The following TENM3 variants were observed in gnomAD, a reference collection of about 807,000 sequenced individuals.
The protein encoded by TENM3 is teneurin-3.
A neutral mutation model predicts 255.1 loss-of-function variants in TENM3; 63 were observed. That is an observed-to-expected ratio of 0.25 (90% CI 0.20 to 0.30). The LOEUF (loss-of-function observed/expected upper bound fraction) is 0.30. TENM3 is among the 10% of genes least tolerant of loss of function. The pLI is 1.00. For missense variants in TENM3, 2,929 were observed against 3,461.1 expected, an observed-to-expected ratio of 0.85 and a Z score of 3.86; for synonymous variants, 1,306 against 1,322.3, an observed-to-expected ratio of 0.99 and a Z score of 0.27.
chr4:181,985,760 G>A, the TENM3 span, among the ~76,000 whole-genome samples: 2 of 152,100 alleles, frequency 1.3e-5, no homozygotes, highest in African/African-American at 4.8e-5. Flanking sequence ...CCTGTATAAT[G>A]TGAATAGCAC....
At chr4:182,587,707 G>A (rs1746183853) in intron 3 of TENM3, among the ~76,000 whole-genome samples, 1 of 152,004 alleles carries the variant, frequency 6.6e-6, no homozygotes, top group African/African-American at 2.4e-5. Flanking sequence ...CACTACACCT[G>A]GCCTGGTTTT....
chr4:182,517,429 G>A lies in TENM3; in HGVS notation c.512-83495G>A, dbSNP rs1412172384. Among the ~76,000 whole-genome samples, 2 of 141,570 alleles carry A rather than the reference G, an allele frequency of 1.4e-5. 1 individual carries two copies. The highest frequency in any genetic ancestry group is 5.4e-5 in the African/African-American group (2 of 37,326). The allele number at this position is 141,570 out of a possible 152,430, so 92.9% of individuals were successfully genotyped here. A position where few individuals can be genotyped will look rare whatever the true frequency, so the allele number is the denominator to read the frequency against. On this transcript the variant is annotated intron_variant, in intron 3 of 27. Coordinates refer to ENST00000511685, the MANE Select transcript of TENM3 (RefSeq NM_001080477.4). ...GACGGAGTCTCGCTCTGTCGCCCAGGCTGGAGTGCAGTGGTGCGATCTCGG... is the reference window on the plus strand; with the variant it reads ...GACGGAGTCTCGCTCTGTCGCCCAGACTGGAGTGCAGTGGTGCGATCTCGG...
the TENM3 span, among the ~76,000 whole-genome samples, chr4:181,728,977 A>G: frequency 6.6e-6 from 1 of 152,194 alleles, no homozygotes; most frequent in Non-Finnish European, 1.5e-5. Flanking sequence ...ATGAGAAGTT[A>G]TTCATTCAGT....
the TENM3 span, among the ~76,000 whole-genome samples, chr4:181,763,299 A>C: frequency 6.6e-6 from 1 of 152,122 alleles, no homozygotes; most frequent in African/African-American, 2.4e-5. Context: ...TTATCTTCTT[A>C]GTCATCATCA....
chr4:181,983,721 T>A, the TENM3 span, among the ~76,000 whole-genome samples: 1 of 152,136 alleles, frequency 6.6e-6, no homozygotes, highest in Non-Finnish European at 1.5e-5. Flanking sequence ...TTAGAATATA[T>A]GCACTGGGAC....
chr4:181,930,997 C>T, the TENM3 span, among the ~76,000 whole-genome samples: 2 of 152,054 alleles, frequency 1.3e-5, no homozygotes, highest in African/African-American at 4.8e-5. Flanking sequence ...AATAAACTAG[C>T]TATTGATGGA....
At chr4:182,626,105 G>A (rs1750792238) in intron 4 of TENM3, among the ~76,000 whole-genome samples, 1 of 152,212 alleles carries the variant, frequency 6.6e-6, no homozygotes, top group Admixed American at 6.5e-5. Flanking sequence ...GTCTATGGCG[G>A]CTTTCACGAT....
At chr4:182,068,638 T>G in the TENM3 span, among the ~76,000 whole-genome samples, 22 of 152,236 alleles carry the variant, frequency 1.4e-4, no homozygotes, top group South Asian at 4.1e-3. Flanking sequence ...TTTAATTAAC[T>G]TTTAAATAAG....
At chr4:181,957,107 G>C in the TENM3 span, among the ~76,000 whole-genome samples, 1 of 152,176 alleles carries the variant, frequency 6.6e-6, no homozygotes, top group Non-Finnish European at 1.5e-5. Flanking sequence ...GACACGGCAG[G>C]ATTCGATGTC....
the TENM3 span, among the ~76,000 whole-genome samples, chr4:182,115,065 C>T: frequency 3.3e-5 from 5 of 152,166 alleles, no homozygotes; most frequent in Non-Finnish European, 1.5e-5. Flanking sequence ...CCTGTAATCC[C>T]AGCTACTCAG....
At chr4:181,684,529 C>T in the TENM3 span, among the ~76,000 whole-genome samples, 1 of 152,140 alleles carries the variant, frequency 6.6e-6, no homozygotes, top group African/African-American at 2.4e-5. Flanking sequence ...TAACTGGCCA[C>T]ATTAGATTTC....
the TENM3 span, among the ~76,000 whole-genome samples, chr4:181,827,469 A>G: frequency 5.1e-4 from 77 of 152,294 alleles, no homozygotes; most frequent in South Asian, 4.6e-3. Flanking sequence ...AGCTCACACA[A>G]AAGATTTGCA....
chr4:182,675,351 G>A (rs976835175), intron 7 of TENM3, among the ~76,000 whole-genome samples: 2 of 151,412 alleles, frequency 1.3e-5, no homozygotes, highest in Admixed American at 1.3e-4. Context: ...AGACCGGCCT[G>A]ACCAACATGG....
chr4:181,622,314 G>A, the TENM3 span, among the ~76,000 whole-genome samples: 1 of 152,050 alleles, frequency 6.6e-6, no homozygotes, highest in Non-Finnish European at 1.5e-5. Context: ...ACACAATACT[G>A]GCAATCAATT....
chr4:181,466,110 A>ATTT, the TENM3 span, among the ~76,000 whole-genome samples: 35 of 19,064 alleles, frequency 1.8e-3, no homozygotes, highest in Non-Finnish European at 5.3e-3. Flanking sequence ...GTCTCCAGGA[A>ATTT]TTTTTTTTTT....
chr4:181,693,439 T>G, the TENM3 span, among the ~76,000 whole-genome samples: 1 of 152,160 alleles, frequency 6.6e-6, no homozygotes, highest in African/African-American at 2.4e-5. Context: ...AGACACCCAG[T>G]GGAGATGGCC....
the TENM3 span, among the ~76,000 whole-genome samples, chr4:181,713,681 T>C: frequency 6.6e-6 from 1 of 152,130 alleles, no homozygotes; most frequent in Admixed American, 6.6e-5. Flanking sequence ...GCCACCAAGA[T>C]TGAGAACCAG....
chr4:181,604,022 T>C, the TENM3 span, among the ~76,000 whole-genome samples: 1 of 152,096 alleles, frequency 6.6e-6, no homozygotes, highest in Non-Finnish European at 1.5e-5. Context: ...CCCAGCACTT[T>C]GGGAGGCCGA....
At chr4:181,894,963 C>A in the TENM3 span, among the ~76,000 whole-genome samples, 1 of 151,966 alleles carries the variant, frequency 6.6e-6, no homozygotes, top group South Asian at 2.1e-4. Context: ...TGTACAATTC[C>A]GTTGTCAACT....
Sources: allele counts gnomAD v4.1 joint callset (sites outside exome capture counted in the v4.1 genomes callset), GRCh38; gene constraint gnomAD v4.1.1; transcripts MANE v1.5; gene names NCBI Gene and HGNC (gene_info 2026-07-23, HGNC 2026-07-21).